The following SMAD1 variants were observed in gnomAD, a reference collection of about 807,000 sequenced individuals.
The protein encoded by SMAD1 is MAD, mothers against decapentaplegic homolog 1.
SMAD1 carries 6 observed loss-of-function variants against 41.6 expected under a neutral mutation model. The ratio of observed to expected loss-of-function variants is 0.14; its 90% CI spans 0.08 to 0.28. SMAD1 has a LOEUF of 0.28. SMAD1 is among the 10% of genes least tolerant of loss of function. The probability of loss-of-function intolerance (pLI) is 1.00; values close to 1 mark genes in which losing one functional copy is unlikely to be tolerated. For missense variants in SMAD1, 379 were observed against 582.6 expected (o/e 0.65, Z 3.60); for synonymous variants, 206 against 203.2 (o/e 1.01, Z -0.12).
Position 145,495,836 on chromosome 4 carries a change from A to T in SMAD1, c.-177+13798A>T, listed in dbSNP as rs1729044758. On this transcript the variant is annotated intron_variant, in intron 1 of 6. Transcript: ENST00000302085. The stretch of plus-strand genomic sequence containing the variant: ...TGTTGCCCAGGCTGATCTCAAACTC[A>T]CAGCCTCAAGCAATCTTTCCACCTT... Among the ~76,000 whole-genome samples the T allele has an allele frequency of 3.4e-5, 5 of 148,086 alleles. No homozygotes were observed. In the South Asian group the frequency reaches 6.4e-4, roughly 19 times the overall value.
At chr4:145,494,442 G>C (rs1239193325) in intron 1 of SMAD1, among the ~76,000 whole-genome samples, 1 of 152,162 alleles carries the variant, frequency 6.6e-6, no homozygotes, top group African/African-American at 2.4e-5. Flanking sequence ...AGCATCTGTT[G>C]TAATGCCTTT....
At chr4:145,499,976 T>G (rs1729336479) in intron 1 of SMAD1, among the ~76,000 whole-genome samples, 1 of 152,206 alleles carries the variant, frequency 6.6e-6, no homozygotes, top group South Asian at 2.1e-4. Flanking sequence ...AATACGGGTT[T>G]TCATACTTCT....
At chr4:145,494,523 G>T (rs1728955377) in intron 1 of SMAD1, among the ~76,000 whole-genome samples, 1 of 152,068 alleles carries the variant, frequency 6.6e-6, no homozygotes, top group Non-Finnish European at 1.5e-5. Flanking sequence ...TATGATCTTT[G>T]TGCTCGCACA....
At chr4:145,511,584 C>A (rs962428951) in intron 1 of SMAD1, among the ~76,000 whole-genome samples, 1 of 152,084 alleles carries the variant, frequency 6.6e-6, no homozygotes, top group Non-Finnish European at 1.5e-5. Context: ...TATTTTTAAC[C>A]CATCTATTAG....
chr4:145,528,060 TAC>T (rs35710925), intron 2 of SMAD1, among the ~76,000 whole-genome samples: 4,073 of 141,740 alleles, frequency 0.029, 85 homozygotes, highest in African/African-American at 0.064. Context: ...TTTTTGTTTG[TAC>T]ACACACACAC....
chr4:145,485,928 G>A (rs1243389764), intron 1 of SMAD1, among the ~76,000 whole-genome samples: 1 of 152,216 alleles, frequency 6.6e-6, no homozygotes, highest in Non-Finnish European at 1.5e-5. Context: ...GAATGATTCA[G>A]TATCTTGCTT....
rs1425989959 is a variant in SMAD1 at position 145,539,828 on chromosome 4, G to C, written c.425G>C (p.Arg142Thr). ...GTACTTCCTCCTGTGCTGGTTCCAA[G>C]ACACAGCGAATATAATCCTCAGCAC... ...SPVLPPVLVP[R>T]HSEYNPQHSL... Residue 142 changes from arginine (R) to threonine (T), a missense_variant, in exon 3 of 7, where the codon AGA becomes ACA. By Grantham distance (71) the Arg-to-Thr change is moderately conservative. Around this residue, in one of 3 missense-constraint regions of SMAD1, gnomAD observed 208 missense variants for 210.5 expected, o/e 0.99. Coordinates refer to ENST00000302085, the MANE Select transcript of SMAD1 (RefSeq NM_005900.3). The C allele has an allele frequency of 1.2e-6, 2 of 1,613,786 alleles. No individual in the cohort carries two copies. The highest frequency in any genetic ancestry group is 1.7e-6 in the Non-Finnish European group (2 of 1,179,980).
At chr4:145,500,533 G>A (rs1201493361) in intron 1 of SMAD1, among the ~76,000 whole-genome samples, 1 of 152,088 alleles carries the variant, frequency 6.6e-6, no homozygotes, top group Non-Finnish European at 1.5e-5. Flanking sequence ...TCAGGGGGCT[G>A]TTCAGATACC....
chr4:145,530,685 C>T (rs1731271220), intron 2 of SMAD1, among the ~76,000 whole-genome samples: 2 of 152,122 alleles, frequency 1.3e-5, no homozygotes, highest in Admixed American at 1.3e-4. Flanking sequence ...GTAAATACTA[C>T]CGTGTTGCTA....
intron 1 of SMAD1, among the ~76,000 whole-genome samples, chr4:145,499,601 C>G (rs1392715206): frequency 2.0e-5 from 3 of 152,128 alleles, no homozygotes; most frequent in Non-Finnish European, 4.4e-5. Context: ...GGCAACAGAG[C>G]AAGACCATGT....
intron 2 of SMAD1, among the ~76,000 whole-genome samples, chr4:145,527,952 T>C (rs891240408): frequency 6.7e-6 from 1 of 149,330 alleles, no homozygotes; most frequent in Non-Finnish European, 1.5e-5. Flanking sequence ...CTTCCACCGC[T>C]CCCCGCCCCG....
chr4:145,500,321 G>A (rs1219512036), intron 1 of SMAD1, among the ~76,000 whole-genome samples: 1 of 152,106 alleles, frequency 6.6e-6, no homozygotes, highest in Non-Finnish European at 1.5e-5. Context: ...AAGCTCTGAA[G>A]TCTCTGTGGG....
At chr4:145,532,329 A>G (rs1731362225) in intron 2 of SMAD1, among the ~76,000 whole-genome samples, 2 of 152,366 alleles carry the variant, frequency 1.3e-5, no homozygotes, top group South Asian at 4.1e-4. Flanking sequence ...AGAAAAGGAA[A>G]AGAGATCAGG....
At chr4:145,541,894 G>T (rs1027284474) in intron 3 of SMAD1, among the ~76,000 whole-genome samples, 1 of 152,180 alleles carries the variant, frequency 6.6e-6, no homozygotes, top group African/African-American at 2.4e-5. Flanking sequence ...TGCAAGACTT[G>T]TGTTAGTGTT....
chr4:145,514,972 T>C lies in SMAD1; in HGVS notation c.359T>C (p.Val120Ala). ...CCTTTTGGTTCCAAGCAGAAGGAGGTCTGCATCAATCCCTACCACTATAAG... is the reference window on the plus strand; with the variant it reads ...CCTTTTGGTTCCAAGCAGAAGGAGGCCTGCATCAATCCCTACCACTATAAG... ...EFPFGSKQKE[V>A]CINPYHYKRV... The change falls in exon 2 of 7, where the codon GTC (valine) becomes GCC (alanine). Residue 120 changes from valine (V) to alanine (A), a missense_variant. Physicochemically the swap from Val to Ala is moderately conservative, Grantham distance 64. Around this residue, in one of 3 missense-constraint regions of SMAD1, gnomAD observed 64 missense variants for 153.9 expected, o/e 0.42. Transcript: ENST00000302085. The surrounding 1 kb of genome is among the most constrained non-coding windows in gnomAD (Gnocchi z 4.7). 6.2e-7 allele frequency: 1 copy of C among 1,613,778 alleles called. No homozygotes were observed. The highest frequency in any genetic ancestry group is 8.5e-7 in the Non-Finnish European group (1 of 1,179,922).
At chr4:145,496,149 G>A (rs1729063546) in intron 1 of SMAD1, among the ~76,000 whole-genome samples, 1 of 151,632 alleles carries the variant, frequency 6.6e-6, no homozygotes, top group Admixed American at 6.6e-5. Flanking sequence ...TAAGTGGGAA[G>A]GTATCAAGAA....
At chr4:145,484,007 A>AT (rs2126924304) in intron 1 of SMAD1, among the ~76,000 whole-genome samples, 1 of 152,298 alleles carries the variant, frequency 6.6e-6, no homozygotes, top group South Asian at 2.1e-4. Context: ...TCATTAAGGC[A>AT]TTAAGAGGAA....
chr4:145,496,909 G>GT (rs921443120), intron 1 of SMAD1, among the ~76,000 whole-genome samples: 1 of 152,084 alleles, frequency 6.6e-6, no homozygotes, highest in Non-Finnish European at 1.5e-5. Context: ...GTAAAAGTCT[G>GT]TTTTTTTGCC....
At chr4:145,498,424 A>G (rs1282652494) in intron 1 of SMAD1, among the ~76,000 whole-genome samples, 1 of 152,188 alleles carries the variant, frequency 6.6e-6, no homozygotes, top group African/African-American at 2.4e-5. Context: ...ACAAAGATAT[A>G]TCTTGCCACC....
Sources: gnomAD v4.1 joint callset for allele counts (sites outside exome capture counted in the v4.1 genomes callset) on GRCh38, gnomAD v4.1.1 for gene constraint, gnomAD v4.1.1 regional missense constraint, Gnocchi (gnomAD v3.1) non-coding constraint, MANE v1.5 for transcripts, NCBI Gene and HGNC (gene_info 2026-07-23, HGNC 2026-07-21) for gene names.